Variants in ERCC6L2 observed in about 807,000 individuals in gnomAD.
The protein encoded by ERCC6L2 is DNA excision repair protein ERCC-6-like 2.
Under a neutral mutation model 132.0 loss-of-function variants are expected in ERCC6L2, and 77 were observed. The observed-to-expected ratio is 0.58, with a 90% CI of 0.49 to 0.71. The LOEUF is 0.71. ERCC6L2 is among the 30% of genes least tolerant of loss of function. The probability of loss-of-function intolerance (pLI) is 0.00; values close to 1 mark genes in which losing one functional copy is unlikely to be tolerated. For missense variants in ERCC6L2, 1,542 were observed against 1,837.6 expected (o/e 0.84, Z 2.94); for synonymous variants, 583 against 632.4 (o/e 0.92, Z 1.17).
chr9:96,012,090 G>A (rs1834044002), intron 18 of ERCC6L2, 135 bp from the exon 19 acceptor site: 1 of 468,474 alleles, frequency 2.1e-6, no homozygotes, highest in Non-Finnish European at 3.2e-6. Context: ...CGTTTTCATT[G>A]TGGAATTCAG....
intron 19 of ERCC6L2, among the ~76,000 whole-genome samples, chr9:96,035,674 C>A (rs1332515182): frequency 6.6e-6 from 1 of 152,212 alleles, no homozygotes; most frequent in Non-Finnish European, 1.5e-5. Context: ...TCAATAAACT[C>A]CTTTTCATCA....
intron 20 of ERCC6L2, among the ~76,000 whole-genome samples, chr9:96,039,491 G>A (rs1194098608): frequency 6.6e-6 from 1 of 152,140 alleles, no homozygotes; most frequent in East Asian, 1.9e-4. Context: ...TGGGGAGGGG[G>A]AGGGTCAGTA....
At chr9:95,956,441 A>G (rs1831605903) in intron 13 of ERCC6L2, among the ~76,000 whole-genome samples, 1 of 152,182 alleles carries the variant, frequency 6.6e-6, no homozygotes, top group South Asian at 2.1e-4. Context: ...AGGTGCACTG[A>G]TATGTTGGTC....
At chr9:95,928,568 C>A in intron 10 of ERCC6L2, 151 bp from the exon 11 acceptor site, 1 of 653,680 alleles carries the variant, frequency 1.5e-6, no homozygotes, top group Non-Finnish European at 2.4e-6. Context: ...ATATATGGGT[C>A]AGAAGTGAGA....
Position 95,972,587 on chromosome 9 carries a change from C to T in ERCC6L2, c.2836C>T (p.Arg946Ter), listed in dbSNP as rs1290453614. The T allele has an allele frequency of 1.9e-5, 24 of 1,289,096 alleles. No homozygotes were observed. Among genetic ancestry groups the T allele is most frequent in the African/African-American group, 6.1e-5 (4 of 65,694 alleles). The allele number at this position is 1,289,096 out of a possible 1,614,324, so 79.9% of individuals were successfully genotyped here. The change falls in exon 16 of 19, where the codon CGA becomes TGA. Residue 946 changes from arginine to a stop codon, truncating the protein, a stop_gained. Transcript: ENST00000653738. LOFTEE classifies it high-confidence loss of function. ...TVKTRNNDNS[R>*]NTDDKRNGII... is the part of the protein sequence containing the mutation. ...AAAAACAAGAAATAATGATAATAGT[C>T]GAAACACTGATGACAAAAGAAATGG...
intron 3 of ERCC6L2, 79 bp from the exon 4 acceptor site, chr9:95,906,999 A>G (rs1336820434): frequency 1.1e-6 from 1 of 913,444 alleles, no homozygotes; most frequent in Non-Finnish European, 1.7e-6. Flanking sequence ...AGGACTATTG[A>G]TATTGATATT....
chr9:96,005,022 A>G (rs1471159713), intron 18 of ERCC6L2, among the ~76,000 whole-genome samples: 2 of 152,182 alleles, frequency 1.3e-5, no homozygotes, highest in African/African-American at 4.8e-5. Context: ...ATGCAGTGTA[A>G]AAAAAGGACA....
chr9:95,913,862 G>T, intron 4 of ERCC6L2, among the ~76,000 whole-genome samples: 1 of 152,126 alleles, frequency 6.6e-6, no homozygotes, highest in South Asian at 2.1e-4. Context: ...TTGCTGAATG[G>T]TACTATTATA....
At chr9:96,020,728 T>C (rs912017492), downstream of ERCC6L2, 2 of 455,696 alleles carry the variant, frequency 4.4e-6, no homozygotes, top group Non-Finnish European at 8.8e-6. Flanking sequence ...TGCTTTGCGC[T>C]GGAGTCCTCA....
In ERCC6L2 at chr9:96,013,507, T is replaced by C. The variant is rs1213371105; in HGVS notation, c.*304T>C. ...ACTATATTACATAATGATGTGACAC[T>C]TGCCCCGGTGAGCATTGTTTCCCAG... On this transcript the variant is annotated 3_prime_UTR_variant, in exon 19 of 19. Coordinates refer to ENST00000653738, the MANE Select transcript of ERCC6L2 (RefSeq NM_020207.7). The C allele has an allele frequency of 5.3e-6, 1 of 187,010 alleles. No individual in the cohort carries two copies. The highest frequency in any genetic ancestry group is 2.4e-5 in the African/African-American group (1 of 41,888). 11.6% of individuals were successfully genotyped at this position (187,010 alleles called of 1,614,324 possible). A position where few individuals can be genotyped will look rare whatever the true frequency, so the allele number is the denominator to read the frequency against.
At chr9:95,881,788 G>A (rs1827611090) in intron 2 of ERCC6L2, among the ~76,000 whole-genome samples, 1 of 152,176 alleles carries the variant, frequency 6.6e-6, no homozygotes, top group Admixed American at 6.5e-5. Flanking sequence ...CCTAAAATGT[G>A]TACTAGAATT....
intron 12 of ERCC6L2, among the ~76,000 whole-genome samples, chr9:95,948,791 G>GAAAAAAAAAAAAAAAAAGAAAAAAAAAA (rs1831188408): frequency 9.6e-6 from 1 of 104,072 alleles, no homozygotes; most frequent in African/African-American, 4.2e-5. Context: ...CAAGACATTA[G>GAAAAAAAAAAAAAAAAAGAAAAAAAAAA]AAAAAAAAAA....
chr9:96,032,391 C>T (rs1049765107), intron 19 of ERCC6L2, among the ~76,000 whole-genome samples: 2 of 152,236 alleles, frequency 1.3e-5, no homozygotes, highest in Non-Finnish European at 2.9e-5. Flanking sequence ...CTCCTTGCGC[C>T]TCACCGTCTG....
chr9:95,939,118 C>T (rs1389284481), intron 11 of ERCC6L2, among the ~76,000 whole-genome samples: 2 of 152,142 alleles, frequency 1.3e-5, no homozygotes, highest in Admixed American at 6.6e-5. Flanking sequence ...GATATTTCCT[C>T]TACATGCCCT....
chr9:96,026,702 C>T (rs1230211739), intron 19 of ERCC6L2, among the ~76,000 whole-genome samples: 1 of 145,220 alleles, frequency 6.9e-6, no homozygotes. Context: ...TACACACAAA[C>T]GCCACACACA....
intron 14 of ERCC6L2, among the ~76,000 whole-genome samples, chr9:95,969,207 A>C (rs1832299753): frequency 6.6e-6 from 1 of 152,192 alleles, no homozygotes; most frequent in African/African-American, 2.4e-5. Context: ...CAGACCATGC[A>C]GGAACTTTGA....
intron 2 of ERCC6L2, among the ~76,000 whole-genome samples, chr9:95,886,108 G>A (rs1232913639): frequency 9.2e-5 from 14 of 151,884 alleles, no homozygotes; most frequent in African/African-American, 3.1e-4. Flanking sequence ...GTCCACCTCC[G>A]GGGCCCAAGC....
intron 2 of ERCC6L2, among the ~76,000 whole-genome samples, chr9:95,894,069 G>C (rs1264273126): frequency 6.6e-6 from 1 of 152,070 alleles, no homozygotes; most frequent in Non-Finnish European, 1.5e-5. Flanking sequence ...GAACGTTATA[G>C]CTTAGCCTAT....
At chr9:96,005,459 G>T (rs1454785916) in intron 18 of ERCC6L2, among the ~76,000 whole-genome samples, 2 of 151,940 alleles carry the variant, frequency 1.3e-5, no homozygotes, top group Admixed American at 1.3e-4. Context: ...ATGGGGAGGG[G>T]ACATGGAACC....
Sources: gnomAD v4.1 joint callset for allele counts (sites outside exome capture counted in the v4.1 genomes callset) on GRCh38, gnomAD v4.1.1 for gene constraint, MANE v1.5 for transcripts, NCBI Gene and HGNC (gene_info 2026-07-23, HGNC 2026-07-21) for gene names.